The following TRPM3 variants were observed in gnomAD, a reference collection of about 807,000 sequenced individuals.
TRPM3 encodes the protein transient receptor potential cation channel subfamily M member 3.
TRPM3 carries 77 observed loss-of-function variants against 181.2 expected under a neutral mutation model. The ratio of observed to expected loss-of-function variants is 0.42; its 90% CI spans 0.35 to 0.51. The LOEUF is 0.51. Ranked by LOEUF, TRPM3 falls within the 20% of genes least tolerant of loss-of-function variation. The probability of loss-of-function intolerance (pLI) is 0.01; values close to 1 mark genes in which losing one functional copy is unlikely to be tolerated. For synonymous variants in TRPM3, 745 were observed against 796.4 expected (o/e 0.94, Z 1.09); for missense variants, 1,759 against 2,196.7 (o/e 0.80, Z 3.98).
intron 1 of TRPM3, among the ~76,000 whole-genome samples, chr9:70,929,702 T>C (rs1022803339): frequency 1.3e-5 from 2 of 152,184 alleles, no homozygotes; most frequent in African/African-American, 2.4e-5. Context: ...AAATTACTTC[T>C]CCATACTTTC....
intron 1 of TRPM3, among the ~76,000 whole-genome samples, chr9:71,308,195 A>C (rs776676385): frequency 1.3e-5 from 2 of 152,008 alleles, no homozygotes; most frequent in Non-Finnish European, 1.5e-5. Context: ...AAGTTTCAAT[A>C]CATTTTAACA....
At chr9:70,976,473 A>G (rs959007677) in intron 1 of TRPM3, among the ~76,000 whole-genome samples, 1 of 152,234 alleles carries the variant, frequency 6.6e-6, no homozygotes, top group African/African-American at 2.4e-5. Context: ...GCCCATCTCA[A>G]CTATAACGTC....
chr9:70,776,499 A>AC, intron 7 of TRPM3: 4 of 697,914 alleles, frequency 5.7e-6, no homozygotes, highest in Non-Finnish European at 1.1e-5. Context: ...TAGTCAAAAA[A>AC]TGATTTGCAA....
chr9:71,205,269 T>C (rs986092630), intron 1 of TRPM3, among the ~76,000 whole-genome samples: 4 of 152,064 alleles, frequency 2.6e-5, no homozygotes, highest in African/African-American at 9.7e-5. Context: ...TAATCTCATT[T>C]CAAAGATCGA....
At chr9:70,963,602 C>T (rs756760309) in intron 1 of TRPM3, among the ~76,000 whole-genome samples, 40 of 151,982 alleles carry the variant, frequency 2.6e-4, no homozygotes, top group Admixed American at 1.3e-3. Context: ...ATATTTTGTG[C>T]GCTTTTTGCA....
intron 1 of TRPM3, among the ~76,000 whole-genome samples, chr9:71,236,561 C>T (rs899485776): frequency 6.6e-6 from 1 of 152,066 alleles, no homozygotes; most frequent in African/African-American, 2.4e-5. Flanking sequence ...GCTGCTGTTC[C>T]CCAAACCTCC....
chr9:70,639,568 G>A (rs555436048), intron 10 of TRPM3, among the ~76,000 whole-genome samples: 2 of 152,196 alleles, frequency 1.3e-5, no homozygotes, highest in South Asian at 4.2e-4. Flanking sequence ...CTTCATTTTT[G>A]TTATCCTTAG....
chr9:71,027,718 G>A (rs2056753926), intron 1 of TRPM3, among the ~76,000 whole-genome samples: 1 of 152,120 alleles, frequency 6.6e-6, no homozygotes, highest in South Asian at 2.1e-4. Context: ...AAATCTCAGA[G>A]CCTTGAAGAC....
intron 1 of TRPM3, among the ~76,000 whole-genome samples, chr9:71,268,885 A>C (rs2083577130): frequency 6.6e-6 from 1 of 152,178 alleles, no homozygotes; most frequent in South Asian, 2.1e-4. Flanking sequence ...CTTCTCAGGG[A>C]AAGTGATATT....
chr9:71,018,490 G>A (rs1167726126), intron 1 of TRPM3, among the ~76,000 whole-genome samples: 1 of 151,738 alleles, frequency 6.6e-6, no homozygotes, highest in East Asian at 1.9e-4. Flanking sequence ...AATGGTCATC[G>A]TCATATAGCC....
Position 70,651,677 on chromosome 9 carries a change from C to CCTT in TRPM3, c.1346-11020_1346-11018dup, listed in dbSNP as rs1484558210. ...ATCTCCCCTGCTTTCACCCCTTCCT[C>CCTT]CTTCCTCCTGCATAGCTCCTGCATG... On this transcript the variant is annotated intron_variant, in intron 9 of 25. Transcript: ENST00000677713. 1.3e-4 allele frequency among the ~76,000 whole-genome samples: 20 copies of CCTT among 152,358 alleles called. No individual in the cohort carries two copies. The South Asian group carries it at 4.1e-3, about 32-fold the overall frequency.
intron 22 of TRPM3, among the ~76,000 whole-genome samples, chr9:70,564,173 T>C (rs567662397): frequency 6.6e-6 from 1 of 152,320 alleles, no homozygotes; most frequent in African/African-American, 2.4e-5. Context: ...TCATCATCAT[T>C]ACACCTTCCT....
At chr9:70,771,268 C>T (rs1208342713) in intron 7 of TRPM3, among the ~76,000 whole-genome samples, 5 of 152,080 alleles carry the variant, frequency 3.3e-5, no homozygotes, top group Middle Eastern at 3.2e-3. Context: ...AAGAATGATA[C>T]GGTTTTAGAG....
At chr9:71,335,607 C>T (rs2090496730) in intron 1 of TRPM3, among the ~76,000 whole-genome samples, 1 of 152,060 alleles carries the variant, frequency 6.6e-6, no homozygotes, top group South Asian at 2.1e-4. Flanking sequence ...TATAAGAAAT[C>T]AAAACTTACC....
At chr9:71,040,816 C>T (rs557442981) in intron 1 of TRPM3, among the ~76,000 whole-genome samples, 3 of 152,066 alleles carry the variant, frequency 2.0e-5, no homozygotes, top group Non-Finnish European at 4.4e-5. Context: ...AAAAATGCAT[C>T]ACCTGAATAT....
intron 19 of TRPM3, among the ~76,000 whole-genome samples, chr9:70,609,322 C>T (rs908582939): frequency 6.6e-5 from 10 of 152,094 alleles, no homozygotes; most frequent in Middle Eastern, 3.2e-3. Flanking sequence ...TGAATAGAAA[C>T]GATTTTTGCA....
chr9:71,157,801 T>C (rs1289535219), intron 1 of TRPM3, among the ~76,000 whole-genome samples: 2 of 152,128 alleles, frequency 1.3e-5, no homozygotes, highest in Admixed American at 6.6e-5. Context: ...GTTAAAGATA[T>C]GGTATTTTTA....
chr9:71,365,848 G>T (rs2092318246), intron 1 of TRPM3, among the ~76,000 whole-genome samples: 1 of 152,082 alleles, frequency 6.6e-6, no homozygotes, highest in Admixed American at 6.6e-5. Flanking sequence ...TGAAGTTCAT[G>T]CTCTCGTGGG....
chr9:71,138,599 T>C (rs1182937255), intron 1 of TRPM3, among the ~76,000 whole-genome samples: 1 of 152,170 alleles, frequency 6.6e-6, no homozygotes, highest in Non-Finnish European at 1.5e-5. Context: ...TGAACTGTAC[T>C]CTTTAAATGG....
Sources: gnomAD v4.1 joint callset for allele counts (sites outside exome capture counted in the v4.1 genomes callset) on GRCh38, gnomAD v4.1.1 for gene constraint, MANE v1.5 for transcripts, NCBI Gene and HGNC (gene_info 2026-07-23, HGNC 2026-07-21) for gene names.